PDS5A: variants seen among roughly 807,000 people sequenced by gnomAD.
PDS5A encodes the protein sister chromatid cohesion protein PDS5 homolog A.
A neutral mutation model predicts 167.1 loss-of-function variants in PDS5A; 42 were observed. That is an observed-to-expected ratio of 0.25 (90% confidence interval 0.20 to 0.33). The LOEUF is 0.33. Ranked by LOEUF, PDS5A falls within the 10% of genes least tolerant of loss-of-function variation. The probability of loss-of-function intolerance (pLI) is 1.00; values close to 1 mark genes in which losing one functional copy is unlikely to be tolerated. For synonymous variants in PDS5A, 553 were observed against 554.6 expected (o/e 1.00, Z 0.04); for missense variants, 1,033 against 1,605.9 (o/e 0.64, Z 6.10).
chr4:39,889,062 C>T (rs1721743592), intron 17 of PDS5A, among the ~76,000 whole-genome samples: 1 of 152,082 alleles, frequency 6.6e-6, no homozygotes, highest in African/African-American at 2.4e-5. Context: ...CATATGAATT[C>T]TAATCCCCAG....
chr4:39,933,122 C>G (rs1034423005), intron 2 of PDS5A: 2 of 152,678 alleles, frequency 1.3e-5, no homozygotes, highest in Admixed American at 1.3e-4. Context: ...AAGCCAAGAT[C>G]GTGCCATTGC....
At chr4:39,925,151 A>G (rs928786090) in intron 5 of PDS5A, among the ~76,000 whole-genome samples, 2 of 152,064 alleles carry the variant, frequency 1.3e-5, no homozygotes, top group African/African-American at 4.8e-5. Context: ...GAATAAAACA[A>G]TAACAACAAA....
chr4:39,943,799 G>A (rs181138301), intron 2 of PDS5A, among the ~76,000 whole-genome samples: 69 of 148,916 alleles, frequency 4.6e-4, no homozygotes, highest in African/African-American at 1.7e-3. Flanking sequence ...AAAGCGAACC[G>A]TATCAAAAAC....
chr4:39,956,252 G>C (rs1728914474), intron 2 of PDS5A, among the ~76,000 whole-genome samples: 1 of 152,070 alleles, frequency 6.6e-6, no homozygotes, highest in Non-Finnish European at 1.5e-5. Context: ...GCACTTTTGG[G>C]AGGCTATGGC....
intron 16 of PDS5A, chr4:39,898,134 A>G: frequency 8.4e-7 from 1 of 1,188,446 alleles, no homozygotes; most frequent in Non-Finnish European, 1.0e-6. Flanking sequence ...AATGTCTACT[A>G]AGTTCAAAGT....
At position 39,841,975 on chromosome 4, in the gene PDS5A, T is replaced by C. The variant is rs1014138355; in HGVS notation, c.3630A>G (p.Val1210=). 1 of 1,596,392 alleles carries C rather than the reference T, an allele frequency of 6.3e-7. No homozygotes were observed. The highest frequency in any genetic ancestry group is 1.3e-5 in the African/African-American group (1 of 74,618). ...TATTCTTTACTGGGTCAATATTCTT[T>C]ACAGGTGTGACTGAAATAATCCTCA... is the stretch of plus-strand genomic sequence containing the variant. The part of the protein sequence containing the change: ...NPVRIISVTP[V]KNIDPVKNKE... Residue 1210 remains valine (V), a synonymous_variant, in exon 31 of 33, where the codon GTA becomes GTG. Coordinates refer to ENST00000303538, the MANE Select transcript of PDS5A (RefSeq NM_001100399.2).
rs772856942 is a variant in PDS5A, at chr4:39,862,200, G to A, written c.3086+19C>T. 4.8e-6 allele frequency: 5 copies of A among 1,043,244 alleles called. No individual in the cohort carries two copies. The highest frequency in any genetic ancestry group is 6.8e-6 in the Non-Finnish European group (5 of 738,472). The allele number at this position is 1,043,244 out of a possible 1,614,324, so 64.6% of individuals were successfully genotyped here. The stretch of plus-strand genomic sequence containing the variant: ...ACTAAACATAATTTTTAGAGTTCTT[G>A]AAAAACAACAAGACTTACTCTTTGA... On this transcript the variant is annotated intron_variant, in intron 26 of 32. Transcript: ENST00000303538.
At chr4:39,944,694 C>CAAAAAAAAA in intron 2 of PDS5A, among the ~76,000 whole-genome samples, 2 of 86,078 alleles carry the variant, frequency 2.3e-5, no homozygotes, top group Non-Finnish European at 5.0e-5. Flanking sequence ...AACTCCATCT[C>CAAAAAAAAA]AAAAAAAAAA....
intron 2 of PDS5A, among the ~76,000 whole-genome samples, chr4:39,965,238 A>G (rs576012022): frequency 6.6e-6 from 1 of 152,308 alleles, no homozygotes; most frequent in East Asian, 1.9e-4. Flanking sequence ...TGCTAGAAAG[A>G]CTATGTGGAA....
chr4:39,839,763 G>GA (rs1441168237), intron 31 of PDS5A, among the ~76,000 whole-genome samples: 32 of 144,950 alleles, frequency 2.2e-4, no homozygotes, highest in African/African-American at 7.6e-4. Flanking sequence ...CTGGGGGGGG[G>GA]GGGCAGGGGA....
chr4:39,907,590 C>CTTT (rs71194936), intron 11 of PDS5A, among the ~76,000 whole-genome samples: 10 of 141,752 alleles, frequency 7.1e-5, no homozygotes, highest in African/African-American at 2.3e-4. Context: ...CTTTTCTTTT[C>CTTT]TTTTTTTTTT....
chr4:39,838,301 G>T (rs1716622420), intron 31 of PDS5A, 93 bp from the exon 32 acceptor site: 9 of 986,940 alleles, frequency 9.1e-6, no homozygotes, highest in Admixed American at 2.9e-5. Flanking sequence ...TTTTAAAGGA[G>T]TCTGGATTTG....
At chr4:39,880,156 T>C (rs1396057606) in intron 17 of PDS5A, among the ~76,000 whole-genome samples, 1 of 124,534 alleles carries the variant, frequency 8.0e-6, no homozygotes, top group African/African-American at 2.6e-5. Context: ...TTAAGAAAAA[T>C]AATAATATAG....
intron 22 of PDS5A, among the ~76,000 whole-genome samples, chr4:39,869,154 T>C (rs1466036280): frequency 6.6e-6 from 1 of 152,198 alleles, no homozygotes; most frequent in East Asian, 1.9e-4. Context: ...TAACAAATGC[T>C]TATTAACTAT....
intron 17 of PDS5A, among the ~76,000 whole-genome samples, chr4:39,885,732 T>C (rs1310759657): frequency 4.6e-5 from 7 of 152,130 alleles, no homozygotes; most frequent in Admixed American, 3.3e-4. Flanking sequence ...CTGGACGGCA[T>C]GGTGAAACCC....
chr4:39,890,199 G>T, intron 17 of PDS5A, 50 bp downstream of exon 17: 1 of 985,080 alleles, frequency 1.0e-6, no homozygotes, highest in Non-Finnish European at 1.5e-6. Flanking sequence ...TAACAACATT[G>T]TCGTTGCAGA....
intron 11 of PDS5A, 78 bp from the exon 12 acceptor site, chr4:39,904,269 T>A: frequency 1.0e-6 from 1 of 962,700 alleles, no homozygotes; most frequent in Non-Finnish European, 1.5e-6. Flanking sequence ...TTGGCTTCAT[T>A]AGGTTGTACA....
intron 2 of PDS5A, among the ~76,000 whole-genome samples, chr4:39,939,984 G>A (rs1234960717): frequency 6.6e-6 from 1 of 152,026 alleles, no homozygotes; most frequent in African/African-American, 2.4e-5. Context: ...CTGGCCAGGA[G>A]CAGAGTCTCA....
intron 22 of PDS5A, among the ~76,000 whole-genome samples, chr4:39,867,256 T>C (rs1297890096): frequency 3.9e-5 from 6 of 151,994 alleles, no homozygotes; most frequent in Non-Finnish European, 7.3e-5. Context: ...TTTTTTTTTT[T>C]CCAACAGATA....
Sources: gnomAD v4.1 joint callset for allele counts (sites outside exome capture counted in the v4.1 genomes callset) on GRCh38, gnomAD v4.1.1 for gene constraint, MANE v1.5 for transcripts, NCBI Gene and HGNC (gene_info 2026-07-23, HGNC 2026-07-21) for gene names.